CCND3: variants seen among roughly 807,000 people sequenced by gnomAD.
CCND3 encodes the protein cyclin D3.
A neutral mutation model predicts 28.7 loss-of-function variants in CCND3; 9 were observed. That is an observed-to-expected ratio of 0.31 (90% CI 0.19 to 0.55). The LOEUF (loss-of-function observed/expected upper bound fraction) is 0.55. Ranked by LOEUF, CCND3 falls within the 20% of genes least tolerant of loss-of-function variation. The pLI, the probability that CCND3 is intolerant of heterozygous loss-of-function variation, is 0.93. For synonymous variants in CCND3, 164 were observed against 163.9 expected, an observed-to-expected ratio of 1.00 and a Z score of 0.00; for missense variants, 315 against 385.8, an observed-to-expected ratio of 0.82 and a Z score of 1.54.
intron 1 of CCND3, among the ~76,000 whole-genome samples, chr6:42,014,043 G>T (rs1038560019): frequency 2.0e-5 from 3 of 150,232 alleles, no homozygotes; most frequent in African/African-American, 7.4e-5. Context: ...CTGCACTCCA[G>T]CCTGACAACA....
At chr6:41,940,044 G>A (rs184902505) in intron 2 of CCND3, among the ~76,000 whole-genome samples, 102 of 152,262 alleles carry the variant, frequency 6.7e-4, no homozygotes, top group African/African-American at 2.5e-3. Flanking sequence ...TGGTGGCTGC[G>A]TAAACCCAGA....
chr6:41,989,202 T>TA (rs1400581769), intron 1 of CCND3, among the ~76,000 whole-genome samples: 1 of 151,916 alleles, frequency 6.6e-6, no homozygotes, highest in Non-Finnish European at 1.5e-5. Flanking sequence ...CTCATGCCTG[T>TA]AATCCCAAGA....
chr6:41,987,581 C>T (rs574187270), intron 1 of CCND3, among the ~76,000 whole-genome samples: 2 of 149,704 alleles, frequency 1.3e-5, no homozygotes, highest in African/African-American at 4.9e-5. Flanking sequence ...CTTGTTCTGT[C>T]GTTCAGGCTA....
chr6:41,972,250 G>GAAA (rs1762055133), intron 1 of CCND3, among the ~76,000 whole-genome samples: 1 of 147,010 alleles, frequency 6.8e-6, no homozygotes, highest in African/African-American at 2.5e-5. Flanking sequence ...AAAAAGAAAA[G>GAAA]AAAAGAAAAG....
chr6:41,982,664 T>C (rs1762381497), intron 1 of CCND3, among the ~76,000 whole-genome samples: 1 of 152,136 alleles, frequency 6.6e-6, no homozygotes, highest in Admixed American at 6.6e-5. Flanking sequence ...GGGCTGACAC[T>C]ACCTGACTTC....
intron 1 of CCND3, among the ~76,000 whole-genome samples, chr6:42,045,719 T>C (rs1244355093): frequency 6.6e-6 from 1 of 152,228 alleles, no homozygotes; most frequent in Non-Finnish European, 1.5e-5. Context: ...CTTTGAAACT[T>C]GAGGATTTAA....
At chr6:42,005,550 A>G (rs1163808716) in intron 1 of CCND3, among the ~76,000 whole-genome samples, 2 of 150,840 alleles carry the variant, frequency 1.3e-5, no homozygotes, top group Admixed American at 6.6e-5. Flanking sequence ...CAAAAAAAAA[A>G]AAAAAAAAAA....
chr6:41,995,727 GCT>G (rs1762781142), intron 1 of CCND3, among the ~76,000 whole-genome samples: 1 of 152,108 alleles, frequency 6.6e-6, no homozygotes, highest in Admixed American at 6.6e-5. Flanking sequence ...ATAAATATGT[GCT>G]CTTTTTATTC....
chr6:41,962,170 G>A (rs28494563), intron 1 of CCND3, among the ~76,000 whole-genome samples: 17,651 of 151,748 alleles, frequency 0.12, 1,106 homozygotes, highest in South Asian at 0.17. Context: ...GCACGATATC[G>A]GCTCACTGCA....
intron 1 of CCND3, among the ~76,000 whole-genome samples, chr6:42,008,536 A>ATTTTTAATTACAAAGTAAGATAGGCTGG: frequency 6.6e-6 from 1 of 152,172 alleles, no homozygotes; most frequent in African/African-American, 2.4e-5. Context: ...CAGTGCATTC[A>ATTTTTAATTACAAAGTAAGATAGGCTGG]TTTTTAATTA....
chr6:41,997,585 A>C (rs1011949120), intron 1 of CCND3, among the ~76,000 whole-genome samples: 1 of 152,136 alleles, frequency 6.6e-6, no homozygotes, highest in African/African-American at 2.4e-5. Flanking sequence ...CTTAAAGCCA[A>C]AGTGGGAGCT....
chr6:42,034,360 C>T (rs1764135581), intron 1 of CCND3, among the ~76,000 whole-genome samples: 1 of 150,786 alleles, frequency 6.6e-6, no homozygotes, highest in South Asian at 2.1e-4. Context: ...GTTGGCCAGG[C>T]TGGTCTTGAA....
At chr6:42,037,795 G>A (rs1764264291) in intron 1 of CCND3, among the ~76,000 whole-genome samples, 1 of 151,816 alleles carries the variant, frequency 6.6e-6, no homozygotes, top group Non-Finnish European at 1.5e-5. Flanking sequence ...CACTTTGGGA[G>A]GCCGAGGCGG....
chr6:41,949,895 C>T (rs912601774), intron 1 of CCND3, among the ~76,000 whole-genome samples: 9 of 151,462 alleles, frequency 5.9e-5, no homozygotes, highest in Admixed American at 4.6e-4. Flanking sequence ...GAGGTTGAGA[C>T]CATCCTGGCT....
rs141912026 is a variant in CCND3 at position 42,029,701 on chromosome 6, A to G, written c.-46+18800T>C. On this transcript the variant is annotated intron_variant, in intron 1 of 4. Coordinates refer to the CCND3 transcript ENST00000372988. Reference sequence around the variant, plus strand: ...GAAAATACAAAATTAGCCAGGCATGATGGTGCATGCCTGTAATCCCAGCTA... The same window carrying G: ...GAAAATACAAAATTAGCCAGGCATGGTGGTGCATGCCTGTAATCCCAGCTA... Among the ~76,000 whole-genome samples, 78 of 152,040 alleles carry G rather than the reference A, an allele frequency of 5.1e-4. No individual in the cohort carries two copies. The East Asian group carries it at 0.015, about 28-fold the overall frequency.
intron 1 of CCND3, among the ~76,000 whole-genome samples, chr6:41,966,480 G>A (rs1248967146): frequency 2.0e-5 from 3 of 152,090 alleles, no homozygotes; most frequent in African/African-American, 7.2e-5. Flanking sequence ...CAGAATCTTA[G>A]GCATGGAGCC....
chr6:42,001,790 T>C lies in CCND3; in HGVS notation c.-46+46711A>G, dbSNP rs549604206. ...CTGTCCCATATTTTGATTCAGATGA[T>C]GGCAACATGGATGTGAATGTTTACA... is the stretch of plus-strand genomic sequence containing the variant. On this transcript the variant is annotated intron_variant, in intron 1 of 4. Coordinates refer to the CCND3 transcript ENST00000372988. 5.3e-5 allele frequency among the ~76,000 whole-genome samples: 8 copies of C among 152,200 alleles called. No individual in the cohort carries two copies. The South Asian group carries it at 1.5e-3, about 28-fold the overall frequency.
intron 1 of CCND3, among the ~76,000 whole-genome samples, chr6:42,005,271 G>A (rs1300032748): frequency 6.6e-6 from 1 of 152,104 alleles, no homozygotes; most frequent in Non-Finnish European, 1.5e-5. Flanking sequence ...GCGAGGTGTG[G>A]TGGCTCAGGC....
rs570076461 is a variant in CCND3, at chr6:41,980,974, G to A, written c.-45-40389C>T. ...TTTCCCACAAAGACCAGGAACAAGC[G>A]AAGGAGGTTTTCTCTCACCACTTTC... On this transcript the variant is annotated intron_variant, in intron 1 of 4. Coordinates refer to the CCND3 transcript ENST00000372988. Among the ~76,000 whole-genome samples the A allele has an allele frequency of 8.5e-5, 13 of 152,224 alleles. No individual in the cohort carries two copies. The East Asian group carries it at 2.1e-3, about 25-fold the overall frequency.
Sources: gnomAD v4.1 joint callset for allele counts (sites outside exome capture counted in the v4.1 genomes callset) on GRCh38, gnomAD v4.1.1 for gene constraint, MANE v1.5 for transcripts, NCBI Gene and HGNC (gene_info 2026-07-23, HGNC 2026-07-21) for gene names.